Variants in RSRC1 observed in about 807,000 individuals in gnomAD.
RSRC1 encodes serine/Arginine-related protein 53.
A neutral mutation model predicts 49.1 loss-of-function variants in RSRC1; 39 were observed. The ratio of observed to expected loss-of-function variants is 0.79; its 90% CI spans 0.61 to 1.04. RSRC1 has a LOEUF of 1.04. RSRC1 is among the 50% of genes least tolerant of loss of function. The probability of loss-of-function intolerance (pLI) is 0.00; values close to 1 mark genes in which losing one functional copy is unlikely to be tolerated. For synonymous variants in RSRC1, 143 were observed against 130.8 expected, an observed-to-expected ratio of 1.09 and a Z score of -0.63; for missense variants, 388 against 402.4, an observed-to-expected ratio of 0.96 and a Z score of 0.31.
At chr3:158,509,496 T>C (rs557972355) in intron 7 of RSRC1, among the ~76,000 whole-genome samples, 25 of 152,306 alleles carry the variant, frequency 1.6e-4, no homozygotes, top group African/African-American at 6.0e-4. Context: ...ACCAATAATA[T>C]AACATTTACT....
intron 5 of RSRC1, among the ~76,000 whole-genome samples, chr3:158,308,287 T>C (rs1727947750): frequency 6.6e-6 from 1 of 151,998 alleles, no homozygotes; most frequent in Non-Finnish European, 1.5e-5. Flanking sequence ...TGATCGTAGC[T>C]GATGAAAAGC....
chr3:158,370,496 A>G (rs1356747164), intron 6 of RSRC1, among the ~76,000 whole-genome samples: 1 of 151,946 alleles, frequency 6.6e-6, no homozygotes, highest in Non-Finnish European at 1.5e-5. Context: ...TGTGTTGTAA[A>G]TGGAATCATA....
At chr3:158,340,436 G>C (rs368983872) in intron 5 of RSRC1, among the ~76,000 whole-genome samples, 4 of 152,270 alleles carry the variant, frequency 2.6e-5, no homozygotes. Flanking sequence ...AGCTACTCAG[G>C]AGGCTGAGGC....
chr3:158,346,577 A>T (rs1730565300), intron 5 of RSRC1, among the ~76,000 whole-genome samples: 11 of 152,198 alleles, frequency 7.2e-5, no homozygotes, highest in Admixed American at 7.2e-4. Context: ...CCACAATGAG[A>T]CACCACCACA....
chr3:158,243,172 A>G (rs1273195489), intron 4 of RSRC1, among the ~76,000 whole-genome samples: 1 of 152,098 alleles, frequency 6.6e-6, no homozygotes, highest in African/African-American at 2.4e-5. Flanking sequence ...TGAAGTTTTT[A>G]TAGTTTCGGG....
chr3:158,269,609 T>C (rs1385303977), intron 4 of RSRC1, among the ~76,000 whole-genome samples: 1 of 151,936 alleles, frequency 6.6e-6, no homozygotes, highest in Non-Finnish European at 1.5e-5. Flanking sequence ...GCCTCCCGGG[T>C]TGAAGTGACT....
chr3:158,514,947 T>C (rs1740421116), intron 7 of RSRC1, among the ~76,000 whole-genome samples: 1 of 152,084 alleles, frequency 6.6e-6, no homozygotes, highest in South Asian at 2.1e-4. Flanking sequence ...AACCCCTACC[T>C]TTTTTTGTTT....
chr3:158,349,789 G>A (rs1302092119), intron 5 of RSRC1, among the ~76,000 whole-genome samples: 2 of 137,164 alleles, frequency 1.5e-5, no homozygotes, highest in Admixed American at 8.3e-5. Flanking sequence ...TGTCTGCCTC[G>A]CGGGTTCAGG....
In RSRC1 at chr3:158,219,050, T is replaced by C. The variant is rs145359277; in HGVS notation, c.494+15805T>C. 6.9e-4 allele frequency among the ~76,000 whole-genome samples: 105 copies of C among 151,696 alleles called. 1 individual carries two copies. The East Asian group carries it at 0.016, about 23-fold the overall frequency. The stretch of plus-strand genomic sequence containing the variant: ...ATTGAAAGGACACTTAATCCAAAAT[T>C]AGCCAGTCAAGGAAGATTTTCTGGA... On this transcript the variant is annotated intron_variant, in intron 4 of 9. Coordinates refer to ENST00000611884, the MANE Select transcript of RSRC1 (RefSeq NM_001271838.2).
intron 4 of RSRC1, among the ~76,000 whole-genome samples, chr3:158,276,828 A>C (rs940047535): frequency 6.6e-6 from 1 of 152,284 alleles, no homozygotes; most frequent in South Asian, 2.1e-4. Context: ...ATCAATATTT[A>C]TCTTAGTGAT....
At chr3:158,164,433 A>G (rs1578151748) in intron 3 of RSRC1, among the ~76,000 whole-genome samples, 1 of 152,204 alleles carries the variant, frequency 6.6e-6, no homozygotes, top group East Asian at 1.9e-4. Context: ...TTGTGCTTCC[A>G]AACTATGTAT....
intron 5 of RSRC1, among the ~76,000 whole-genome samples, chr3:158,308,488 A>C (rs1355705536): frequency 1.3e-5 from 2 of 151,920 alleles, no homozygotes; most frequent in Non-Finnish European, 2.9e-5. Flanking sequence ...TAGTAATTTG[A>C]CTGACCTCTG....
At chr3:158,347,407 CTT>C (rs1730614793) in intron 5 of RSRC1, among the ~76,000 whole-genome samples, 1 of 152,174 alleles carries the variant, frequency 6.6e-6, no homozygotes, top group Non-Finnish European at 1.5e-5. Flanking sequence ...TATACATTCT[CTT>C]CAAACAGGAA....
intron 5 of RSRC1, among the ~76,000 whole-genome samples, chr3:158,328,813 A>G (rs1349902385): frequency 2.6e-5 from 4 of 152,128 alleles, no homozygotes; most frequent in Non-Finnish European, 4.4e-5. Flanking sequence ...GTTCTCCTGG[A>G]TAATATCCTG....
In RSRC1 at chr3:158,423,750, G is replaced by C. The variant is rs148794106; in HGVS notation, c.584-37185G>C. Among the ~76,000 whole-genome samples the C allele has an allele frequency of 4.5e-4, 68 of 151,854 alleles. 1 individual carries two copies. In the South Asian group the frequency reaches 5.8e-3, roughly 13 times the overall value. On this transcript the variant is annotated intron_variant, in intron 6 of 9. Transcript: ENST00000611884. ...CATTTGTTGTATCCTCTTTTATTTCGTTGAGCAGTGGTTTGTAGTTCTCCT... is the reference window on the plus strand; with the variant it reads ...CATTTGTTGTATCCTCTTTTATTTCCTTGAGCAGTGGTTTGTAGTTCTCCT...
intron 5 of RSRC1, among the ~76,000 whole-genome samples, chr3:158,323,042 T>A (rs1429936723): frequency 6.6e-6 from 1 of 152,180 alleles, no homozygotes; most frequent in Non-Finnish European, 1.5e-5. Context: ...GAGATCACAT[T>A]TCCACACTTC....
intron 4 of RSRC1, among the ~76,000 whole-genome samples, chr3:158,231,859 C>T (rs527361519): frequency 3.3e-5 from 5 of 151,872 alleles, no homozygotes; most frequent in Admixed American, 1.3e-4. Flanking sequence ...ATTACTTTAC[C>T]GTACTTTTAA....
chr3:158,307,822 T>C (rs1374003320), intron 5 of RSRC1, among the ~76,000 whole-genome samples: 2 of 151,764 alleles, frequency 1.3e-5, no homozygotes, highest in African/African-American at 2.4e-5. Flanking sequence ...ATGAAACTAA[T>C]ATAACAGATC....
intron 5 of RSRC1, among the ~76,000 whole-genome samples, chr3:158,350,826 G>A (rs574651332): frequency 6.6e-6 from 1 of 152,162 alleles, no homozygotes; most frequent in East Asian, 1.9e-4. Flanking sequence ...AATTTTAGAT[G>A]AAATTTATAC....
Sources: allele counts gnomAD v4.1 joint callset (sites outside exome capture counted in the v4.1 genomes callset), GRCh38; gene constraint gnomAD v4.1.1; transcripts MANE v1.5; gene names NCBI Gene and HGNC (gene_info 2026-07-23, HGNC 2026-07-21).